The following PPARGC1A variants were observed in gnomAD, a reference collection of about 807,000 sequenced individuals.
PPARGC1A encodes PPARG coactivator 1 alpha.
A neutral mutation model predicts 88.7 loss-of-function variants in PPARGC1A; 25 were observed. That is an observed-to-expected ratio of 0.28 (90% CI 0.21 to 0.39). PPARGC1A has a LOEUF of 0.39. Ranked by LOEUF, PPARGC1A falls within the 10% of genes least tolerant of loss-of-function variation. The pLI, the probability that PPARGC1A is intolerant of heterozygous loss-of-function variation, is 1.00. For missense variants in PPARGC1A, 880 were observed against 968.7 expected (o/e 0.91, Z 1.22); for synonymous variants, 363 against 355.6 (o/e 1.02, Z -0.24).
At chr4:24,046,047 T>C in the PPARGC1A span, among the ~76,000 whole-genome samples, 1 of 152,158 alleles carries the variant, frequency 6.6e-6, no homozygotes, top group African/African-American at 2.4e-5. Context: ...TGTGAGTACA[T>C]GAACATGGAC....
the PPARGC1A span, among the ~76,000 whole-genome samples, chr4:24,347,292 GAT>G: frequency 0.18 from 27,950 of 152,090 alleles, 2,683 homozygotes; most frequent in South Asian, 0.23. Flanking sequence ...TTTGTTCCAA[GAT>G]ATAGTTTAAA....
chr4:24,155,955 C>T, the PPARGC1A span, among the ~76,000 whole-genome samples: 4 of 152,050 alleles, frequency 2.6e-5, no homozygotes, highest in African/African-American at 9.7e-5. Context: ...ATGTATAGAC[C>T]CCTATACCCA....
At chr4:24,404,461 G>A in the PPARGC1A span, among the ~76,000 whole-genome samples, 1 of 151,894 alleles carries the variant, frequency 6.6e-6, no homozygotes, top group African/African-American at 2.4e-5. Context: ...ATCAGGATTG[G>A]GAACTCACAA....
the PPARGC1A span, among the ~76,000 whole-genome samples, chr4:24,372,572 G>A: frequency 6.6e-6 from 1 of 152,062 alleles, no homozygotes; most frequent in Admixed American, 6.6e-5. Context: ...CTTTTGCCTT[G>A]GCTACACTTG....
At chr4:24,151,127 T>C in the PPARGC1A span, among the ~76,000 whole-genome samples, 1 of 152,222 alleles carries the variant, frequency 6.6e-6, no homozygotes, top group African/African-American at 2.4e-5. Context: ...GCCAGCACCT[T>C]TTGCATTTGT....
the PPARGC1A span, among the ~76,000 whole-genome samples, chr4:24,387,945 AAAGAAAGAAAG>A: frequency 3.0e-4 from 42 of 138,140 alleles, no homozygotes; most frequent in African/African-American, 1.3e-3. Flanking sequence ...AGAAAGAAAG[AAAGAAAGAAAG>A]AAAGGGAGAG....
At chr4:24,055,214 C>T in the PPARGC1A span, among the ~76,000 whole-genome samples, 1 of 152,178 alleles carries the variant, frequency 6.6e-6, no homozygotes, top group South Asian at 2.1e-4. Flanking sequence ...CCAGAATGTA[C>T]TCTCTGATTG....
the PPARGC1A span, among the ~76,000 whole-genome samples, chr4:24,069,721 T>C: frequency 9.2e-5 from 14 of 152,182 alleles, no homozygotes; most frequent in Non-Finnish European, 2.1e-4. Flanking sequence ...TAAATACATG[T>C]TGCAAAGGAA....
chr4:24,082,857 A>AC, the PPARGC1A span, among the ~76,000 whole-genome samples: 1 of 152,162 alleles, frequency 6.6e-6, no homozygotes. Flanking sequence ...AATGTGGGAT[A>AC]CAGGAGTACA....
rs938129391 is a variant in PPARGC1A at position 23,795,678 on chromosome 4, A to G, written c.*144T>C. ...TTATTGTTGTTGTTGTTCTTGTTGT[A>G]TTGTTGTTGTTTTGTTTTGTTTTTG... On this transcript the variant is annotated 3_prime_UTR_variant, in exon 13 of 13. Transcript: ENST00000264867. The G allele has an allele frequency of 1.7e-5, 10 of 581,934 alleles. No individual in the cohort carries two copies. The highest frequency in any genetic ancestry group is 2.9e-4 in the Middle Eastern group (1 of 3,454). The allele number at this position is 581,934 out of a possible 1,614,324, so 36.0% of individuals were successfully genotyped here. A position where few individuals can be genotyped will look rare whatever the true frequency, so the allele number is the denominator to read the frequency against.
chr4:24,408,400 A>G, the PPARGC1A span, among the ~76,000 whole-genome samples: 1 of 151,632 alleles, frequency 6.6e-6, no homozygotes, highest in African/African-American at 2.4e-5. Flanking sequence ...AAATTGGGTC[A>G]GTTCAAACAC....
At chr4:24,468,106 G>A in the PPARGC1A span, among the ~76,000 whole-genome samples, 1 of 152,102 alleles carries the variant, frequency 6.6e-6, no homozygotes, top group Non-Finnish European at 1.5e-5. Context: ...GGCCTGCTTC[G>A]ATTTGGGCTT....
At chr4:24,360,519 G>A in the PPARGC1A span, among the ~76,000 whole-genome samples, 4 of 152,040 alleles carry the variant, frequency 2.6e-5, no homozygotes, top group Non-Finnish European at 5.9e-5. Flanking sequence ...GTGTTTGTGT[G>A]TTGTCTGCCT....
chr4:23,797,198 G>A (rs1717763403), intron 12 of PPARGC1A, among the ~76,000 whole-genome samples: 1 of 152,026 alleles, frequency 6.6e-6, no homozygotes, highest in African/African-American at 2.4e-5. Flanking sequence ...AAAAAACGGA[G>A]ACAAAACTGG....
the PPARGC1A span, among the ~76,000 whole-genome samples, chr4:24,161,397 C>T: frequency 6.6e-6 from 1 of 152,162 alleles, no homozygotes; most frequent in African/African-American, 2.4e-5. Flanking sequence ...GGAGCCTGGG[C>T]TTTGAAGGAA....
At chr4:23,802,438 G>C (rs1718960811) in intron 10 of PPARGC1A, 93 bp from the exon 11 acceptor site, 1 of 1,474,502 alleles carries the variant, frequency 6.8e-7, no homozygotes, top group African/African-American at 1.4e-5. Flanking sequence ...CCAGCACTTT[G>C]GGAGGCCGAG....
At chr4:24,326,789 C>T in the PPARGC1A span, among the ~76,000 whole-genome samples, 3 of 152,180 alleles carry the variant, frequency 2.0e-5, no homozygotes, top group Non-Finnish European at 4.4e-5. Flanking sequence ...AGGACCGCAC[C>T]CTGTAGCCTT....
the PPARGC1A span, among the ~76,000 whole-genome samples, chr4:24,445,263 A>C: frequency 1.3e-5 from 2 of 152,252 alleles, no homozygotes; most frequent in Non-Finnish European, 2.9e-5. Flanking sequence ...CACAGGTGTG[A>C]ATAAGATCTC....
At chr4:23,884,698 T>G (rs1162889245) in intron 2 of PPARGC1A, 54 bp downstream of exon 2, 2 of 1,523,658 alleles carry the variant, frequency 1.3e-6, no homozygotes, top group Non-Finnish European at 1.8e-6. Context: ...ACCATGTTAG[T>G]CGGGCCCAAG....
Sources: gnomAD v4.1 joint callset for allele counts (sites outside exome capture counted in the v4.1 genomes callset) on GRCh38, gnomAD v4.1.1 for gene constraint, MANE v1.5 for transcripts, NCBI Gene and HGNC (gene_info 2026-07-23, HGNC 2026-07-21) for gene names.